Variants in SLC22A15 observed in about 807,000 individuals in gnomAD.
The protein encoded by SLC22A15 is flipt 1.
In SLC22A15, 45 loss-of-function variants were observed where a neutral mutation model predicts 62.7. The observed-to-expected ratio is 0.72, with a 90% confidence interval of 0.56 to 0.92. SLC22A15 has a LOEUF of 0.92. SLC22A15 is among the 40% of genes least tolerant of loss of function. The pLI is 0.00. For missense variants in SLC22A15, 622 were observed against 665.6 expected (o/e 0.93, Z 0.72); for synonymous variants, 264 against 267.0 (o/e 0.99, Z 0.11).
At chr1:116,055,330 A>G (rs556280454) in intron 8 of SLC22A15, among the ~76,000 whole-genome samples, 88 of 152,200 alleles carry the variant, frequency 5.8e-4, no homozygotes, top group African/African-American at 2.0e-3. Flanking sequence ...TCCTCTACAC[A>G]TACACCCTCC....
chr1:115,993,427 G>A (rs1039297226), intron 2 of SLC22A15, among the ~76,000 whole-genome samples: 2 of 127,096 alleles, frequency 1.6e-5, no homozygotes, highest in East Asian at 4.2e-4. Flanking sequence ...GAGTGTGTGA[G>A]AGTGTGTGTG....
intron 8 of SLC22A15, among the ~76,000 whole-genome samples, chr1:116,039,514 CAA>C (rs1221992517): frequency 6.6e-6 from 1 of 151,870 alleles, no homozygotes; most frequent in Non-Finnish European, 1.5e-5. Flanking sequence ...GTCTGGGTGA[CAA>C]GAGCAAAATT....
chr1:116,022,553 C>A (rs1026419970), intron 4 of SLC22A15, among the ~76,000 whole-genome samples: 1 of 152,148 alleles, frequency 6.6e-6, no homozygotes, highest in Non-Finnish European at 1.5e-5. Flanking sequence ...TTATAAAAAA[C>A]GTATACCACT....
At chr1:116,023,224 A>G (rs1023172825) in intron 4 of SLC22A15, among the ~76,000 whole-genome samples, 21 of 152,210 alleles carry the variant, frequency 1.4e-4, no homozygotes, top group Non-Finnish European at 2.5e-4. Flanking sequence ...GCAAGCATCC[A>G]TTTTTGACCA....
intron 8 of SLC22A15, among the ~76,000 whole-genome samples, chr1:116,046,981 C>T (rs1217797913): frequency 6.6e-6 from 1 of 152,112 alleles, no homozygotes; most frequent in Non-Finnish European, 1.5e-5. Context: ...GCCTTCCCTC[C>T]CCACCCTGGT....
intron 8 of SLC22A15, among the ~76,000 whole-genome samples, chr1:116,051,150 A>G (rs1433608119): frequency 6.6e-5 from 10 of 152,224 alleles, no homozygotes; most frequent in Admixed American, 5.9e-4. Context: ...AAAACAATCT[A>G]CAAATTCAAT....
rs537038686 is a variant in SLC22A15 at position 115,990,834 on chromosome 1, C to T, written c.88-1197C>T. On this transcript the variant is annotated intron_variant, in intron 1 of 11. Transcript: ENST00000369503. ...GTGCAGTGGCGTGATCTCAGCTCAC[C>T]GCAACTTCCACCTGCTGGGTTCAAG... 1.8e-4 allele frequency among the ~76,000 whole-genome samples: 27 copies of T among 152,210 alleles called. No individual in the cohort carries two copies. The East Asian group carries it at 3.7e-3, about 21-fold the overall frequency.
chr1:116,062,373 A>G (rs1658405839), intron 8 of SLC22A15, among the ~76,000 whole-genome samples: 1 of 152,164 alleles, frequency 6.6e-6, no homozygotes, highest in Non-Finnish European at 1.5e-5. Context: ...TGTTGTGCAG[A>G]CCACTGTTTT....
At chr1:116,042,503 A>G (rs971146826) in intron 8 of SLC22A15, among the ~76,000 whole-genome samples, 2 of 152,148 alleles carry the variant, frequency 1.3e-5, no homozygotes, top group Admixed American at 6.6e-5. Flanking sequence ...TTGTGGGACA[A>G]TATTAAGTGA....
At chr1:116,014,408 A>G (rs531195344) in intron 2 of SLC22A15, among the ~76,000 whole-genome samples, 1 of 152,330 alleles carries the variant, frequency 6.6e-6, no homozygotes, top group East Asian at 1.9e-4. Flanking sequence ...ATCCTTTTTG[A>G]AAATAGAGTA....
chr1:116,035,399 A>G, intron 7 of SLC22A15, 72 bp downstream of exon 7: 1 of 1,305,688 alleles, frequency 7.7e-7, no homozygotes, highest in Non-Finnish European at 1.1e-6. Flanking sequence ...TCTGATACAC[A>G]TGCATATCTA....
At position 115,976,717 on chromosome 1, in the gene SLC22A15, A is replaced by G. The variant is rs1292594805; in HGVS notation, c.87+3A>G. 7.6e-6 allele frequency: 12 copies of G among 1,579,130 alleles called. No individual in the cohort carries two copies. The highest frequency in any genetic ancestry group is 3.4e-4 in the Middle Eastern group (2 of 5,860). Reference sequence around the variant, plus strand: ...TCCTGCTGGCCGTGCTGCTGCAGGTAAGTCCCCGCGGCCCCGCAGCCGCAT... The same window carrying G: ...TCCTGCTGGCCGTGCTGCTGCAGGTGAGTCCCCGCGGCCCCGCAGCCGCAT... On this transcript the variant is annotated splice_donor_region_variant and intron_variant, in intron 1 of 11. Coordinates refer to ENST00000369503, the MANE Select transcript of SLC22A15 (RefSeq NM_018420.3).
At chr1:116,041,509 C>T (rs928704585) in intron 8 of SLC22A15, among the ~76,000 whole-genome samples, 2 of 152,154 alleles carry the variant, frequency 1.3e-5, no homozygotes, top group African/African-American at 4.8e-5. Flanking sequence ...GGACAACAGA[C>T]TGCATAGGAC....
At chr1:116,042,525 G>GTAA (rs1246257070) in intron 8 of SLC22A15, among the ~76,000 whole-genome samples, 1 of 152,124 alleles carries the variant, frequency 6.6e-6, no homozygotes, top group African/African-American at 2.4e-5. Context: ...CTACATAAGT[G>GTAA]TAATATTAGT....
chr1:116,020,913 C>A, intron 4 of SLC22A15, 28 bp downstream of exon 4: 1 of 1,563,236 alleles, frequency 6.4e-7, no homozygotes, highest in Admixed American at 2.0e-5. Context: ...CAGCTCTGGA[C>A]TGGGTGAGCA....
intron 1 of SLC22A15, among the ~76,000 whole-genome samples, chr1:115,986,426 A>C (rs1338670554): frequency 6.6e-6 from 1 of 152,186 alleles, no homozygotes; most frequent in Admixed American, 6.5e-5. Context: ...TAATGATACA[A>C]AGCAATATTT....
intron 10 of SLC22A15, 104 bp downstream of exon 10, chr1:116,064,612 C>A: frequency 2.5e-6 from 2 of 791,688 alleles, no homozygotes; most frequent in South Asian, 3.0e-5. Context: ...TTAAGATCAG[C>A]TGACACAAAT....
intron 8 of SLC22A15, 77 bp from the exon 9 acceptor site, chr1:116,062,685 C>T (rs1658411386): frequency 6.4e-7 from 1 of 1,554,008 alleles, no homozygotes; most frequent in Non-Finnish European, 8.8e-7. Flanking sequence ...GCCACCTGCT[C>T]CATCAAAATG....
Position 116,065,841 on chromosome 1 carries a change from C to T in SLC22A15, c.1366-679C>T, listed in dbSNP as rs79560834. 5.3e-3 allele frequency among the ~76,000 whole-genome samples: 811 copies of T among 152,256 alleles called. 2 individuals are homozygous for T. Among genetic ancestry groups the T allele is most frequent in the Middle Eastern group, 0.01 (3 of 294 alleles). On this transcript the variant is annotated intron_variant, in intron 10 of 11. Transcript: ENST00000369503. ...AGCTCAGAAAAGCCCCAGAGAAACACCCTGGAAGCAACTGTTTTTCATGTT... is the reference window on the plus strand; with the variant it reads ...AGCTCAGAAAAGCCCCAGAGAAACATCCTGGAAGCAACTGTTTTTCATGTT...
Sources: allele counts gnomAD v4.1 joint callset (sites outside exome capture counted in the v4.1 genomes callset), GRCh38; gene constraint gnomAD v4.1.1; transcripts MANE v1.5; gene names NCBI Gene and HGNC (gene_info 2026-07-23, HGNC 2026-07-21).